The following CUL5 variants were observed in gnomAD, a reference collection of about 807,000 sequenced individuals.
CUL5 encodes cullin-5.
A neutral mutation model predicts 108.8 loss-of-function variants in CUL5; 26 were observed. The ratio of observed to expected loss-of-function variants is 0.24; its 90% CI spans 0.18 to 0.33. CUL5 has a LOEUF of 0.33. Ranked by LOEUF, CUL5 falls within the 10% of genes least tolerant of loss-of-function variation. The pLI is 1.00. For synonymous variants in CUL5, 334 were observed against 298.0 expected (o/e 1.12, Z -1.25); for missense variants, 524 against 909.2 (o/e 0.58, Z 5.45).
intron 1 of CUL5, among the ~76,000 whole-genome samples, chr11:108,031,980 G>C (rs908751320): frequency 6.6e-6 from 1 of 152,132 alleles, no homozygotes; most frequent in African/African-American, 2.4e-5. Context: ...GAGAACACAT[G>C]AACACATAAA....
At chr11:108,093,885 A>C (rs1264187120) in intron 13 of CUL5, among the ~76,000 whole-genome samples, 1 of 152,056 alleles carries the variant, frequency 6.6e-6, no homozygotes, top group East Asian at 1.9e-4. Flanking sequence ...ATTTTTTTGT[A>C]GTGATGGGGG....
chr11:108,045,198 C>T lies in CUL5; in HGVS notation c.135-1072C>T, dbSNP rs1382050988. 3.3e-5 allele frequency among the ~76,000 whole-genome samples: 5 copies of T among 152,068 alleles called. No individual in the cohort carries two copies. In the South Asian group the frequency reaches 1.0e-3, roughly 31 times the overall value. On this transcript the variant is annotated intron_variant, in intron 2 of 18. Transcript: ENST00000393094. ...GTTTTTGTATATCAATTTATGATAG[C>T]TTTTGTTTTTGTTTTTTTGTTTAAA...
intron 1 of CUL5, among the ~76,000 whole-genome samples, chr11:108,013,996 C>A (rs1176230066): frequency 6.6e-6 from 1 of 152,174 alleles, no homozygotes; most frequent in East Asian, 1.9e-4. Context: ...ATATGTAGAA[C>A]AATGTCCATG....
At chr11:108,023,738 G>C (rs1184251434) in intron 1 of CUL5, among the ~76,000 whole-genome samples, 1 of 152,146 alleles carries the variant, frequency 6.6e-6, no homozygotes, top group African/African-American at 2.4e-5. Flanking sequence ...AAACTCTTCT[G>C]TCAGTTTTAT....
chr11:108,026,503 C>T (rs1047228846), intron 1 of CUL5, among the ~76,000 whole-genome samples: 1 of 152,136 alleles, frequency 6.6e-6, no homozygotes, highest in Non-Finnish European at 1.5e-5. Flanking sequence ...GTACCAGCAC[C>T]TACATGTACA....
chr11:108,038,384 A>G (rs1370265865), intron 2 of CUL5, among the ~76,000 whole-genome samples: 1 of 152,128 alleles, frequency 6.6e-6, no homozygotes, highest in Non-Finnish European at 1.5e-5. Flanking sequence ...TGGCCTCAAC[A>G]TGATGTTTTT....
chr11:108,053,792 T>G (rs1863303285), intron 5 of CUL5, among the ~76,000 whole-genome samples: 1 of 151,630 alleles, frequency 6.6e-6, no homozygotes, highest in South Asian at 2.1e-4. Flanking sequence ...AGTCCTCCTA[T>G]CTCAGTGTCC....
intron 1 of CUL5, among the ~76,000 whole-genome samples, chr11:108,012,076 G>T (rs1460109796): frequency 6.6e-6 from 1 of 152,140 alleles, no homozygotes; most frequent in Non-Finnish European, 1.5e-5. Flanking sequence ...TAGGGGTTTT[G>T]TATCTCTGAA....
chr11:108,070,126 A>G lies in CUL5; in HGVS notation c.811A>G (p.Thr271Ala). ...GGAATGCTGTGTAAATGCCCTGGTG[A>G]CATCATTTAAAGAGACTATCTTAGC... ...LMECCVNALV[T>A]SFKETILAEC... The change falls in exon 8 of 19, where the codon ACA (threonine) becomes GCA (alanine). Residue 271 changes from threonine (T) to alanine (A), a missense_variant. Thr to Ala is a moderately conservative substitution (Grantham distance 58). Coordinates refer to ENST00000393094, the MANE Select transcript of CUL5 (RefSeq NM_003478.6). 6.2e-7 allele frequency: 1 copy of G among 1,611,674 alleles called. No individual in the cohort carries two copies. Among genetic ancestry groups the G allele is most frequent in the Non-Finnish European group, 8.5e-7 (1 of 1,178,484 alleles).
At chr11:108,013,229 C>T (rs1862096699) in intron 1 of CUL5, among the ~76,000 whole-genome samples, 1 of 152,104 alleles carries the variant, frequency 6.6e-6, no homozygotes, top group South Asian at 2.1e-4. Flanking sequence ...ACTGACTTCC[C>T]TCCCCTGTCC....
intron 2 of CUL5, among the ~76,000 whole-genome samples, chr11:108,035,884 G>A (rs1189148918): frequency 6.6e-6 from 1 of 152,144 alleles, no homozygotes; most frequent in Non-Finnish European, 1.5e-5. Context: ...TCAGATCCAG[G>A]TAATTGAGAT....
chr11:108,042,843 A>T (rs957438528), intron 2 of CUL5, among the ~76,000 whole-genome samples: 1 of 151,702 alleles, frequency 6.6e-6, no homozygotes. Flanking sequence ...GCTCACTGCA[A>T]CCTCCGCTTC....
chr11:108,017,536 G>A (rs11600740), intron 1 of CUL5, among the ~76,000 whole-genome samples: 20,060 of 152,004 alleles, frequency 0.13, 1,394 homozygotes, highest in African/African-American at 0.18. Context: ...TAATTAGGGC[G>A]GTAGCGAAAA....
chr11:108,047,990 T>C (rs1863108437), intron 3 of CUL5, among the ~76,000 whole-genome samples: 1 of 152,070 alleles, frequency 6.6e-6, no homozygotes, highest in South Asian at 2.1e-4. Context: ...AGTCTGGAAA[T>C]GTAGACCTCA....
intron 11 of CUL5, among the ~76,000 whole-genome samples, chr11:108,081,324 T>C (rs1422647492): frequency 1.3e-5 from 2 of 152,168 alleles, no homozygotes; most frequent in African/African-American, 4.8e-5. Context: ...TAGTTTTGAC[T>C]TTTACATTTA....
chr11:108,089,450 A>G (rs1237165594), intron 12 of CUL5, 42 bp from the exon 13 acceptor site: 3 of 1,434,336 alleles, frequency 2.1e-6, no homozygotes, highest in African/African-American at 1.5e-5. Context: ...GAGAGATGGT[A>G]AGAGTATATA....
At chr11:108,080,953 ATTATTTATTTAT>A (rs140725296) in intron 11 of CUL5, among the ~76,000 whole-genome samples, 50,532 of 148,680 alleles carry the variant, frequency 0.34, 10,083 homozygotes, top group Middle Eastern at 0.53. Flanking sequence ...AAGATTTATC[ATTATTTATTTAT>A]TTATTTATTT....
rs116239445 is a variant in CUL5, at chr11:108,076,324, A to G, written c.1114-1852A>G. 4.2e-3 allele frequency among the ~76,000 whole-genome samples: 637 copies of G among 152,264 alleles called. 7 individuals are homozygous for G. The highest frequency in any genetic ancestry group is 0.015 in the African/African-American group (605 of 41,558). Reference sequence around the variant, plus strand: ...GCTGGGATTACAGGCATGAGCCACCATGCCCAGCCCAGTATAATTTTACTA... The same window carrying G: ...GCTGGGATTACAGGCATGAGCCACCGTGCCCAGCCCAGTATAATTTTACTA... On this transcript the variant is annotated intron_variant, in intron 10 of 18. Transcript: ENST00000393094.
rs370724594 is a variant in CUL5 at position 108,094,505 on chromosome 11, G to A, written c.1558G>A (p.Ala520Thr). 3.6e-6 allele frequency: 5 copies of A among 1,406,004 alleles called. No individual in the cohort carries two copies. In the South Asian group the frequency reaches 4.0e-5, roughly 11 times the overall value. 87.1% of individuals were successfully genotyped at this position (1,406,004 alleles called of 1,614,324 possible). ...GGAAATGCACAAAAATAATAAATTG[G>A]CATTACCAGGTATTATTTTATAATT... ...FKEMHKNNKL[A>T]LPADSVNIKI... Residue 520 changes from alanine to threonine, a missense_variant, in exon 14 of 19, where the codon GCA becomes ACA. Around this residue, in one of 8 missense-constraint regions of CUL5, gnomAD observed 64 missense variants for 152.0 expected, o/e 0.42. Transcript: ENST00000393094.
Sources: allele counts gnomAD v4.1 joint callset (sites outside exome capture counted in the v4.1 genomes callset), GRCh38; gene constraint gnomAD v4.1.1; regional missense constraint gnomAD v4.1.1; transcripts MANE v1.5; gene names NCBI Gene and HGNC (gene_info 2026-07-23, HGNC 2026-07-21).